Variants in FAM136A observed in about 807,000 individuals in gnomAD.
FAM136A encodes the protein TIM double twin CX3C motif protein.
In FAM136A, 25 loss-of-function variants were observed where a neutral mutation model predicts 21.6. The ratio of observed to expected loss-of-function variants is 1.16; its 90% CI spans 0.84 to 1.62. FAM136A has a LOEUF of 1.62. FAM136A is among the 40% of genes most tolerant of loss of function. The probability of loss-of-function intolerance (pLI) is 0.00; values close to 1 mark genes in which losing one functional copy is unlikely to be tolerated. For missense variants in FAM136A, 338 were observed against 332.0 expected, an observed-to-expected ratio of 1.02 and a Z score of -0.14; for synonymous variants, 119 against 129.4, an observed-to-expected ratio of 0.92 and a Z score of 0.55.
At chr2:70,298,156 A>G (rs1697304688) in intron 2 of FAM136A, among the ~76,000 whole-genome samples, 1 of 151,778 alleles carries the variant, frequency 6.6e-6, no homozygotes, top group South Asian at 2.1e-4. Flanking sequence ...GCAATGGCAC[A>G]ATCTCGGCTC....
chr2:70,298,565 G>T (rs1697315243), intron 2 of FAM136A, among the ~76,000 whole-genome samples: 1 of 152,220 alleles, frequency 6.6e-6, no homozygotes, highest in Non-Finnish European at 1.5e-5. Context: ...AAAGTAAATG[G>T]AGATGTGGAG....
In FAM136A at chr2:70,297,050, T is replaced by A; in HGVS notation, c.*239A>T. 2.3e-6 allele frequency: 1 copy of A among 437,290 alleles called. No homozygotes were observed. The highest frequency in any genetic ancestry group is 4.1e-6 in the Non-Finnish European group (1 of 241,800). 27.1% of individuals were successfully genotyped at this position (437,290 alleles called of 1,614,324 possible). A position where few individuals can be genotyped will look rare whatever the true frequency, so the allele number is the denominator to read the frequency against. On this transcript the variant is annotated 3_prime_UTR_variant, in exon 3 of 3. Transcript: ENST00000430566. Reference sequence around the variant, plus strand: ...GACAAGCACTGGCCACAGGAAATAATAAGCTCTAAAACTCTCCTGTAATAT... The same window carrying A: ...GACAAGCACTGGCCACAGGAAATAAAAAGCTCTAAAACTCTCCTGTAATAT...
chr2:70,301,410 C>G, intron 1 of FAM136A, 194 bp downstream of exon 1: 1 of 1,532,458 alleles, frequency 6.5e-7, no homozygotes, highest in Non-Finnish European at 8.7e-7. Context: ...ACGCATACTC[C>G]GTGAGAGAAG....
At position 70,301,597 on chromosome 2, in the gene FAM136A, C is replaced by G. The variant is rs190784330; in HGVS notation, c.408+7G>C. On this transcript the variant is annotated splice_region_variant and intron_variant, in intron 1 of 2. Transcript: ENST00000430566. Reference sequence around the variant, plus strand: ...GCAGCGCCTCTGCTGGGCCTCGGGCCGCTCACCTGCGGAAGGGGCCGCGTA... The same window carrying G: ...GCAGCGCCTCTGCTGGGCCTCGGGCGGCTCACCTGCGGAAGGGGCCGCGTA... 966 of 1,535,910 alleles carry G rather than the reference C, an allele frequency of 6.3e-4. 10 individuals are homozygous for G. In the East Asian group the frequency reaches 0.019, roughly 31 times the overall value.
chr2:70,297,621 GTT>G (rs55803921), intron 2 of FAM136A, 144 bp from the exon 3 acceptor site: 6,691 of 248,374 alleles, frequency 0.027, no homozygotes, highest in Middle Eastern at 0.043. Flanking sequence ...GATTGGCCAA[GTT>G]TTTTTTTTTT....
At chr2:70,297,617 C>G (rs1697289345) in intron 2 of FAM136A, 140 bp from the exon 3 acceptor site, 1 of 543,232 alleles carries the variant, frequency 1.8e-6, no homozygotes, top group Non-Finnish European at 2.9e-6. Flanking sequence ...GTGTGATTGG[C>G]CAAGTTTTTT....
chr2:70,301,416 A>G (rs915152197), intron 1 of FAM136A, 188 bp downstream of exon 1: 2 of 1,532,934 alleles, frequency 1.3e-6, no homozygotes, highest in African/African-American at 2.7e-5. Context: ...ACTCCGTGAG[A>G]GAAGCAGGAC....
At chr2:70,297,921 G>A (rs972914855) in intron 2 of FAM136A, among the ~76,000 whole-genome samples, 55 of 151,950 alleles carry the variant, frequency 3.6e-4, no homozygotes, top group African/African-American at 1.3e-3. Flanking sequence ...GATTAGAGGT[G>A]TGAGCCACTG....
In FAM136A at chr2:70,302,066, G is replaced by T. The variant is rs1015900854; in HGVS notation, c.-55C>A. ...GCGCCGGCGCCCATATGGAATCGGC[G>T]TACGGGCCCGCCCCCTCACCGCCCT... On this transcript the variant is annotated 5_prime_UTR_variant, in exon 1 of 3. Transcript: ENST00000430566. 7.7e-5 allele frequency: 116 copies of T among 1,503,428 alleles called. 2 individuals carry two copies. The highest frequency in any genetic ancestry group is 6.2e-6 in the Non-Finnish European group (7 of 1,129,598). The allele number at this position is 1,503,428 out of a possible 1,614,324, so 93.1% of individuals were successfully genotyped here. A position where few individuals can be genotyped will look rare whatever the true frequency, so the allele number is the denominator to read the frequency against.
intron 2 of FAM136A, among the ~76,000 whole-genome samples, chr2:70,298,468 CTT>C (rs1339604371): frequency 6.6e-6 from 1 of 152,294 alleles, no homozygotes; most frequent in Admixed American, 6.5e-5. Context: ...GCCAGGCACT[CTT>C]TTAATGTTAG....
intron 1 of FAM136A, 157 bp downstream of exon 1, chr2:70,301,447 C>G (rs1241557254): frequency 6.5e-7 from 1 of 1,535,418 alleles, no homozygotes; most frequent in East Asian, 2.4e-5. Context: ...AGAGGCATTG[C>G]GGGGCTCAGA....
Position 70,301,627 on chromosome 2 carries a change from G to A in FAM136A, c.385C>T (p.Pro129Ser), listed in dbSNP as rs566955361. ...ACCTGCGGAAGGGGCCGCGTAAGAG[G>A]GGAAGGTGGTGGGGCGAGCGCCTGC... The part of the protein sequence containing the change: ...WWQALAPPPS[P>S]LTRPLPQGLM... Residue 129 changes from proline to serine, a missense_variant, in exon 1 of 3, where the codon CCT (proline) becomes TCT (serine). Coordinates refer to ENST00000430566, the MANE Select transcript of FAM136A (RefSeq NM_001329752.2). 2 of 1,535,794 alleles carry A rather than the reference G, an allele frequency of 1.3e-6. No homozygotes were observed. Among genetic ancestry groups the A allele is most frequent in the Admixed American group, 2.0e-5 (1 of 50,982 alleles).
chr2:70,297,017 ACTGC>A lies in FAM136A; in HGVS notation c.*268_*271del. 1 of 338,172 alleles carries A rather than the reference ACTGC, an allele frequency of 3.0e-6. No homozygotes were observed. Among genetic ancestry groups the A allele is most frequent in the East Asian group, 5.6e-5 (1 of 17,894 alleles). 20.9% of individuals were successfully genotyped at this position (338,172 alleles called of 1,614,324 possible). ...CTGGCTTGTTACAGGGGAAAGCCTT[ACTGC>A]CAGGACAAGCACTGGCCACAGGAAA... On this transcript the variant is annotated 3_prime_UTR_variant, in exon 3 of 3. Transcript: ENST00000430566.
At chr2:70,299,410 C>G (rs950723110) in intron 2 of FAM136A, among the ~76,000 whole-genome samples, 1 of 152,158 alleles carries the variant, frequency 6.6e-6, no homozygotes, top group Non-Finnish European at 1.5e-5. Flanking sequence ...ACATAAATGA[C>G]TGCTCCTTAG....
At chr2:70,301,509 A>C in intron 1 of FAM136A, 95 bp downstream of exon 1, 1 of 1,535,894 alleles carries the variant, frequency 6.5e-7, no homozygotes, top group Non-Finnish European at 8.7e-7. Context: ...GGCGCAAGAG[A>C]AGCAGGCATG....
intron 2 of FAM136A, 48 bp from the exon 3 acceptor site, chr2:70,297,525 AT>A (rs1196845947): frequency 1.4e-6 from 2 of 1,433,498 alleles, no homozygotes; most frequent in Non-Finnish European, 1.9e-6. Context: ...TAAGGCCTCC[AT>A]TTACTGCGTG....
intron 2 of FAM136A, among the ~76,000 whole-genome samples, chr2:70,299,219 T>A (rs1332825267): frequency 6.6e-6 from 1 of 152,222 alleles, no homozygotes; most frequent in African/African-American, 2.4e-5. Flanking sequence ...CCTCAGGCTA[T>A]GAAAGGCTGG....
chr2:70,301,748 A>T lies in FAM136A; in HGVS notation c.264T>A (p.Asp88Glu). The T allele has an allele frequency of 6.5e-7, 1 of 1,540,702 alleles. No individual in the cohort carries two copies. Among genetic ancestry groups the T allele is most frequent in the Non-Finnish European group, 8.7e-7 (1 of 1,146,422 alleles). The change falls in exon 1 of 3, where the codon GAT (aspartate) becomes GAA (glutamate). Residue 88 changes from aspartate to glutamate, a missense_variant. By Grantham distance (45) the Asp-to-Glu change is conservative. Transcript: ENST00000430566. ...CGCACGGCAAGGGCACACGGATTTC[A>T]TCCGATCCGCCAAAGCTTCCGAAGT... ...GQDFGSFGGS[D>E]EIRVPLPCAR...
At chr2:70,301,164 G>A (rs2104941807) in intron 1 of FAM136A, 184 bp from the exon 2 acceptor site, 1 of 783,610 alleles carries the variant, frequency 1.3e-6, no homozygotes, top group Non-Finnish European at 2.0e-6. Context: ...TATCCTCAAT[G>A]TCTAGTGTAG....
Sources: gnomAD v4.1 joint callset for allele counts (sites outside exome capture counted in the v4.1 genomes callset) on GRCh38, gnomAD v4.1.1 for gene constraint, MANE v1.5 for transcripts, NCBI Gene and HGNC (gene_info 2026-07-23, HGNC 2026-07-21) for gene names.